The following TAFA2 variants were observed in gnomAD, a reference collection of about 807,000 sequenced individuals.
The protein encoded by TAFA2 is chemokine-like protein TAFA-2.
In TAFA2, 7 loss-of-function variants were observed where a neutral mutation model predicts 18.8. That is an observed-to-expected ratio of 0.37 (90% CI 0.21 to 0.70). The LOEUF (loss-of-function observed/expected upper bound fraction) is 0.70, where lower values mean the gene tolerates loss of function less well. TAFA2 is among the 30% of genes least tolerant of loss of function. TAFA2 has a pLI of 0.53. For synonymous variants in TAFA2, 60 were observed against 54.2 expected (o/e 1.11, Z -0.47); for missense variants, 122 against 158.1 (o/e 0.77, Z 1.23).
intron 2 of TAFA2, among the ~76,000 whole-genome samples, chr12:61,842,097 T>C (rs1163613380): frequency 6.6e-6 from 1 of 151,976 alleles, no homozygotes; most frequent in Non-Finnish European, 1.5e-5. Flanking sequence ...ACATTTTTTT[T>C]TCGCTCAAGA....
intron 2 of TAFA2, among the ~76,000 whole-genome samples, chr12:61,820,745 C>CT (rs1872287248): frequency 6.6e-6 from 1 of 151,830 alleles, no homozygotes; most frequent in South Asian, 2.1e-4. Context: ...TCAGTACAAG[C>CT]TTTTTTCCCC....
intron 1 of TAFA2, among the ~76,000 whole-genome samples, chr12:62,226,667 C>T (rs557299002): frequency 7.2e-5 from 11 of 152,296 alleles, no homozygotes; most frequent in African/African-American, 2.6e-4. Context: ...CCCCACTTTC[C>T]ATCCTCCAAA....
At chr12:61,991,795 C>T (rs1332959186) in intron 1 of TAFA2, among the ~76,000 whole-genome samples, 2 of 152,192 alleles carry the variant, frequency 1.3e-5, no homozygotes, top group East Asian at 3.9e-4. Flanking sequence ...CTCGCTAAAA[C>T]AGCTCCTGTC....
chr12:61,718,060 G>A (rs1869737089), intron 4 of TAFA2, among the ~76,000 whole-genome samples: 1 of 152,054 alleles, frequency 6.6e-6, no homozygotes, highest in African/African-American at 2.4e-5. Context: ...TTTCTAAAAG[G>A]CCTAATCATT....
At chr12:62,144,524 G>T (rs1339355668) in intron 1 of TAFA2, among the ~76,000 whole-genome samples, 1 of 152,092 alleles carries the variant, frequency 6.6e-6, no homozygotes, top group Non-Finnish European at 1.5e-5. Context: ...AACCAGCACA[G>T]AGCTGACACC....
chr12:61,891,730 C>G (rs981634434), intron 1 of TAFA2, among the ~76,000 whole-genome samples: 4 of 151,812 alleles, frequency 2.6e-5, no homozygotes, highest in African/African-American at 9.7e-5. Context: ...TAAGCATATT[C>G]TGGGCAAAAT....
At chr12:61,725,930 G>A (rs1333038213) in intron 4 of TAFA2, among the ~76,000 whole-genome samples, 1 of 151,948 alleles carries the variant, frequency 6.6e-6, no homozygotes, top group Non-Finnish European at 1.5e-5. Flanking sequence ...AAGGGTTGGT[G>A]AGGGGTGAGG....
chr12:62,072,272 G>A (rs1013839791), intron 1 of TAFA2, among the ~76,000 whole-genome samples: 7 of 151,706 alleles, frequency 4.6e-5, no homozygotes, highest in Non-Finnish European at 1.0e-4. Flanking sequence ...AGACCACCCT[G>A]GCTAACACGG....
At chr12:61,765,944 T>G (rs1869771231) in intron 2 of TAFA2, among the ~76,000 whole-genome samples, 1 of 152,064 alleles carries the variant, frequency 6.6e-6, no homozygotes, top group African/African-American at 2.4e-5. Context: ...TAATTTCTAG[T>G]TAGTTCACTG....
chr12:61,975,623 C>T (rs749418211), intron 1 of TAFA2, among the ~76,000 whole-genome samples: 2 of 149,790 alleles, frequency 1.3e-5, no homozygotes, highest in East Asian at 2.0e-4. Context: ...AATAATGCTG[C>T]AATTAACACT....
rs55651727 is a variant in TAFA2 at position 61,851,774 on chromosome 12, C to CAAA, written c.106+15543_106+15545dup. On this transcript the variant is annotated intron_variant, in intron 2 of 4. Transcript: ENST00000416284. ...TGGGCGACAGAGCGAGACTCCATCT[C>CAAA]AAAAAAAAAAAAAAAAAAAAAAAAA... Among the ~76,000 whole-genome samples, 12 of 14,498 alleles carry CAAA rather than the reference C, an allele frequency of 8.3e-4. 4 individuals are homozygous for CAAA. The highest frequency in any genetic ancestry group is 1.5e-3 in the Non-Finnish European group (9 of 6,010). The allele number at this position is 14,498 out of a possible 152,430, so 9.5% of individuals were successfully genotyped here. A position where few individuals can be genotyped will look rare whatever the true frequency, so the allele number is the denominator to read the frequency against.
rs906617225 is a variant in TAFA2, at chr12:61,741,820, G to A, written c.384+11802C>T. 4.6e-5 allele frequency among the ~76,000 whole-genome samples: 7 copies of A among 152,062 alleles called. No homozygotes were observed. The South Asian group carries it at 8.3e-4, about 18-fold the overall frequency. On this transcript the variant is annotated intron_variant, in intron 4 of 4. Transcript: ENST00000416284. ...GCACATACCCACATAGAGTACATTC[G>A]ATTTATCTTCACAGAGTGAATGAAT...
chr12:61,748,478 C>A (rs1007049478), intron 4 of TAFA2, among the ~76,000 whole-genome samples: 1 of 152,080 alleles, frequency 6.6e-6, no homozygotes, highest in Non-Finnish European at 1.5e-5. Context: ...CTAGAGAGAG[C>A]ATGATGATTG....
At chr12:61,959,359 T>A (rs932985531) in intron 1 of TAFA2, among the ~76,000 whole-genome samples, 3 of 152,066 alleles carry the variant, frequency 2.0e-5, no homozygotes, top group Admixed American at 2.0e-4. Flanking sequence ...AAATGTCACA[T>A]GGTCTTTGTA....
intron 1 of TAFA2, among the ~76,000 whole-genome samples, chr12:62,141,685 G>C: frequency 6.6e-6 from 1 of 152,080 alleles, no homozygotes; most frequent in Non-Finnish European, 1.5e-5. Context: ...TTCCTAAACT[G>C]TAAACACTAA....
chr12:61,768,147 CT>C (rs1869868224), intron 2 of TAFA2, among the ~76,000 whole-genome samples: 1 of 152,082 alleles, frequency 6.6e-6, no homozygotes, highest in African/African-American at 2.4e-5. Flanking sequence ...ACCATCTCTA[CT>C]TTTAAAAAAC....
At chr12:62,150,244 A>G (rs900422793) in intron 1 of TAFA2, among the ~76,000 whole-genome samples, 1 of 152,088 alleles carries the variant, frequency 6.6e-6, no homozygotes, top group Admixed American at 6.5e-5. Flanking sequence ...TTGGATGAGT[A>G]CCTCTTGTTC....
chr12:62,020,475 A>G (rs9668407), intron 1 of TAFA2, among the ~76,000 whole-genome samples: 52,649 of 152,120 alleles, frequency 0.35, 9,553 homozygotes, highest in Non-Finnish European at 0.39. Flanking sequence ...AATGTAAGAC[A>G]CAAAGCCCAA....
At chr12:61,780,809 T>A (rs984748848) in intron 2 of TAFA2, among the ~76,000 whole-genome samples, 2 of 151,782 alleles carry the variant, frequency 1.3e-5, no homozygotes, top group African/African-American at 4.8e-5. Context: ...CTCTCCTCTA[T>A]GGCAATAGTC....
Sources: gnomAD v4.1 joint callset for allele counts (sites outside exome capture counted in the v4.1 genomes callset) on GRCh38, gnomAD v4.1.1 for gene constraint, MANE v1.5 for transcripts, NCBI Gene and HGNC (gene_info 2026-07-23, HGNC 2026-07-21) for gene names.